The following IFT46 variants were observed in gnomAD, a reference collection of about 807,000 sequenced individuals.
IFT46 encodes the protein intraflagellar transport 46, also known as intraflagellar transport protein 46 homolog.
A neutral mutation model predicts 39.6 loss-of-function variants in IFT46; 19 were observed. The ratio of observed to expected loss-of-function variants is 0.48; its 90% CI spans 0.33 to 0.70. IFT46 has a LOEUF of 0.70. Among genes scored for constraint, IFT46 ranks in the 30% least tolerant of loss-of-function variants. The pLI, the probability that IFT46 is intolerant of heterozygous loss-of-function variation, is 0.01. For synonymous variants in IFT46, 117 were observed against 134.8 expected, an observed-to-expected ratio of 0.87 and a Z score of 0.91; for missense variants, 334 against 364.8, an observed-to-expected ratio of 0.92 and a Z score of 0.69.
In IFT46 at chr11:118,555,010, C is replaced by A. The variant is rs782477133; in HGVS notation, c.334G>T (p.Asp112Tyr). The change falls in exon 6 of 12, where the codon GAT (aspartate) becomes TAT (tyrosine). Residue 112 changes from aspartate (D) to tyrosine (Y), a missense_variant. By Grantham distance (160) the Asp-to-Tyr change is radical. Transcript: ENST00000264021. The part of the protein sequence containing the change: ...FIPDFIPAVG[D>Y]IDAFLKVPRP... The stretch of plus-strand genomic sequence containing the variant: ...TATACCTTTAAGAATGCATCAATAT[C>A]CCCGACAGCTGGGATAAAATCAGGA... 1 of 1,613,042 alleles carries A rather than the reference C, an allele frequency of 6.2e-7. No individual in the cohort carries two copies. Among genetic ancestry groups the A allele is most frequent in the South Asian group, 1.1e-5 (1 of 91,054 alleles).
At chr11:118,565,673 A>C (rs1278316896) in intron 1 of IFT46, 117 bp downstream of exon 1, 1 of 152,740 alleles carries the variant, frequency 6.5e-6, no homozygotes, top group Non-Finnish European at 1.5e-5. Context: ...TGGTGAGGTG[A>C]CGAAGGAACA....
At chr11:118,567,735 T>A (rs1388130372), upstream of IFT46, among the ~76,000 whole-genome samples, 2 of 152,166 alleles carry the variant, frequency 1.3e-5, no homozygotes, top group Non-Finnish European at 2.9e-5. Flanking sequence ...TAAAAAAAAA[T>A]TTGTGATCTG....
chr11:118,564,300 T>C (rs1555071061), intron 2 of IFT46, among the ~76,000 whole-genome samples: 1 of 152,102 alleles, frequency 6.6e-6, no homozygotes, highest in Non-Finnish European at 1.5e-5. Context: ...TGGCATGTGT[T>C]TACTCATTTG....
chr11:118,571,601 G>A (rs115843132), intron 1 of IFT46, among the ~76,000 whole-genome samples: 2,040 of 152,170 alleles, frequency 0.013, 46 homozygotes, highest in African/African-American at 0.047. Flanking sequence ...GTCTCACCAC[G>A]GGTCTGATTT....
intron 7 of IFT46, among the ~76,000 whole-genome samples, chr11:118,553,065 G>C (rs1268315710): frequency 6.7e-6 from 1 of 148,980 alleles, no homozygotes; most frequent in Non-Finnish European, 1.5e-5. Flanking sequence ...CTGGGTAACA[G>C]AGCGAGACCC....
chr11:118,574,828 G>A (rs1249560702), upstream of IFT46, among the ~76,000 whole-genome samples: 6 of 151,762 alleles, frequency 4.0e-5, no homozygotes, highest in African/African-American at 9.7e-5. Context: ...ATTCACAGGC[G>A]CTATCATAGT....
chr11:118,552,531 A>G (rs1937677841), intron 7 of IFT46, among the ~76,000 whole-genome samples, 196 bp from the exon 8 acceptor site: 1 of 152,182 alleles, frequency 6.6e-6, no homozygotes, highest in Non-Finnish European at 1.5e-5. Flanking sequence ...TGGCGGTCAC[A>G]CTTGTAATCC....
At chr11:118,576,607 C>G (rs1475808288), upstream of IFT46, among the ~76,000 whole-genome samples, 1 of 151,952 alleles carries the variant, frequency 6.6e-6, no homozygotes, top group Non-Finnish European at 1.5e-5. Context: ...ATTTCAAGAA[C>G]TTTAAGAAGA....
chr11:118,575,262 G>GC (rs1938465639), upstream of IFT46, among the ~76,000 whole-genome samples: 1 of 152,184 alleles, frequency 6.6e-6, no homozygotes, highest in Non-Finnish European at 1.5e-5. Context: ...ATAGGTGTGA[G>GC]CCATGGCGCC....
intron 3 of IFT46, among the ~76,000 whole-genome samples, chr11:118,558,492 G>A (rs1280916119): frequency 6.6e-6 from 1 of 152,146 alleles, no homozygotes; most frequent in Non-Finnish European, 1.5e-5. Context: ...CTACTCAGGA[G>A]GCTGAGGCAG....
At chr11:118,552,862 G>C (rs896943010) in intron 7 of IFT46, among the ~76,000 whole-genome samples, 2 of 150,394 alleles carry the variant, frequency 1.3e-5, no homozygotes, top group Admixed American at 1.3e-4. Flanking sequence ...GAGGCAGGAG[G>C]ATCACTTGAG....
chr11:118,545,990 T>C, intron 9 of IFT46, 137 bp from the exon 10 acceptor site: 1 of 746,724 alleles, frequency 1.3e-6, no homozygotes, highest in Admixed American at 2.0e-5. Context: ...AAAATTCAGA[T>C]ATTGAGTTCC....
At chr11:118,576,070 T>C (rs1555073480), upstream of IFT46, among the ~76,000 whole-genome samples, 1 of 151,688 alleles carries the variant, frequency 6.6e-6, no homozygotes, top group African/African-American at 2.4e-5. Context: ...ACTAACCTCC[T>C]ATGTTAGGGA....
At chr11:118,561,086 A>G in intron 2 of IFT46, 1 of 1,527,300 alleles carries the variant, frequency 6.5e-7, no homozygotes, top group East Asian at 2.3e-5. Context: ...CAATGTGGAA[A>G]GCATTGATGG....
intron 9 of IFT46, among the ~76,000 whole-genome samples, chr11:118,547,540 T>C (rs146983490): frequency 0.011 from 1,734 of 152,238 alleles, 31 homozygotes; most frequent in African/African-American, 0.038. Context: ...TGTCTCAGCC[T>C]CCTGAGTAGC....
intron 9 of IFT46, 113 bp downstream of exon 9, chr11:118,551,670 CAAA>C (rs537215530): frequency 0.019 from 8,629 of 444,626 alleles, no homozygotes; most frequent in Non-Finnish European, 0.021. Flanking sequence ...GACCCTGTCT[CAAA>C]AAAAAAAAAA....
At chr11:118,572,008 T>C (rs994095509) in intron 1 of IFT46, among the ~76,000 whole-genome samples, 13 of 150,852 alleles carry the variant, frequency 8.6e-5, no homozygotes, top group Admixed American at 1.3e-4. Flanking sequence ...AAGAATCGCT[T>C]GAACCTGGGA....
At chr11:118,546,257 G>C in intron 9 of IFT46, 1 of 690,968 alleles carries the variant, frequency 1.4e-6, no homozygotes, top group South Asian at 1.6e-5. Context: ...CAGCACTGTG[G>C]GAGGTTGAGG....
chr11:118,567,603 A>T (rs1298262301), upstream of IFT46, among the ~76,000 whole-genome samples: 1 of 152,216 alleles, frequency 6.6e-6, no homozygotes, highest in Non-Finnish European at 1.5e-5. Flanking sequence ...AATACATTTT[A>T]AAAAGAAAAT....
Sources: gnomAD v4.1 joint callset for allele counts (sites outside exome capture counted in the v4.1 genomes callset) on GRCh38, gnomAD v4.1.1 for gene constraint, MANE v1.5 for transcripts, NCBI Gene and HGNC (gene_info 2026-07-23, HGNC 2026-07-21) for gene names.